The following RAPGEF2 variants were observed in gnomAD, a reference collection of about 807,000 sequenced individuals.
RAPGEF2 encodes the protein Rap guanine nucleotide exchange factor 2.
In RAPGEF2, 54 loss-of-function variants were observed where a neutral mutation model predicts 186.7. That is an observed-to-expected ratio of 0.29 (90% CI 0.23 to 0.36). RAPGEF2 has a LOEUF of 0.36. Ranked by LOEUF, RAPGEF2 falls within the 10% of genes least tolerant of loss-of-function variation. The pLI is 1.00. For missense variants in RAPGEF2, 1,532 were observed against 2,045.0 expected (o/e 0.75, Z 4.84); for synonymous variants, 712 against 705.9 (o/e 1.01, Z -0.14).
rs767908846 is a variant in RAPGEF2, at chr4:159,331,920, T to A, written c.1780-6T>A. 1.3e-6 allele frequency: 2 copies of A among 1,591,756 alleles called. No individual in the cohort carries two copies. Among genetic ancestry groups the A allele is most frequent in the African/African-American group, 2.7e-5 (2 of 73,312 alleles). ...ATTTTGATACATTTTATAATTTCATTTTTAGATATTAGAAGTAAATGGCCA... is the reference window on the plus strand; with the variant it reads ...ATTTTGATACATTTTATAATTTCATATTTAGATATTAGAAGTAAATGGCCA... On this transcript the variant is annotated splice_region_variant and splice_polypyrimidine_tract_variant and intron_variant, in intron 15 of 29. Transcript: ENST00000691494.
chr4:159,104,226 C>T lies in RAPGEF2; in HGVS notation c.64C>T (p.Pro22Ser), dbSNP rs1278475270. 4 of 1,166,494 alleles carry T rather than the reference C, an allele frequency of 3.4e-6. No individual in the cohort carries two copies. The highest frequency in any genetic ancestry group is 3.7e-5 in the African/African-American group (2 of 54,402). The allele number at this position is 1,166,494 out of a possible 1,614,324, so 72.3% of individuals were successfully genotyped here. ...GATGAAGAATCCCCCCGAAAGGACCCCCCAGGTGAGAACGCGGCGGCCGCC... is the reference window on the plus strand; with the variant it reads ...GATGAAGAATCCCCCCGAAAGGACCTCCCAGGTGAGAACGCGGCGGCCGCC... ...AVMKNPPERTPQDLEIVYSYL... is the reference protein window; with the variant it reads ...AVMKNPPERTSQDLEIVYSYL... The change falls in exon 1 of 30, where the codon CCC (proline) becomes TCC (serine). Residue 22 changes from proline to serine, a missense_variant. By Grantham distance (74) the Pro-to-Ser change is moderately conservative (BLOSUM62 -1). This residue lies in a region of RAPGEF2 where 810 missense variants were observed against 1,210.5 expected (regional missense o/e 0.67). Coordinates refer to ENST00000691494, the MANE Select transcript of RAPGEF2 (RefSeq NM_001394067.2).
intron 1 of RAPGEF2, among the ~76,000 whole-genome samples, chr4:159,170,573 A>G (rs867166920): frequency 3.9e-5 from 6 of 152,340 alleles, no homozygotes; most frequent in African/African-American, 1.2e-4. Context: ...GCCATTTTAT[A>G]TAAGGAAAAT....
chr4:159,274,878 T>A (rs1488919473), intron 7 of RAPGEF2, among the ~76,000 whole-genome samples: 1 of 152,194 alleles, frequency 6.6e-6, no homozygotes, highest in East Asian at 1.9e-4. Flanking sequence ...ACAAATTGCA[T>A]CATACAAGAA....
At chr4:159,135,949 T>C (rs1741676007) in intron 1 of RAPGEF2, among the ~76,000 whole-genome samples, 1 of 152,216 alleles carries the variant, frequency 6.6e-6, no homozygotes, top group South Asian at 2.1e-4. Flanking sequence ...ATTGCCAAAA[T>C]AGTACAGAGA....
intron 8 of RAPGEF2, among the ~76,000 whole-genome samples, chr4:159,307,016 A>G (rs1419511502): frequency 6.6e-6 from 1 of 152,214 alleles, no homozygotes; most frequent in Non-Finnish European, 1.5e-5. Flanking sequence ...AATTTAGGAA[A>G]AGAGACTGAA....
At chr4:159,104,510 G>C (rs543953227) in intron 1 of RAPGEF2, among the ~76,000 whole-genome samples, 15 of 129,758 alleles carry the variant, frequency 1.2e-4, no homozygotes, top group African/African-American at 4.8e-4. Flanking sequence ...GAGAGAGAGA[G>C]AGAGAGAGAG....
chr4:159,309,885 T>C (rs1174552780), intron 8 of RAPGEF2, among the ~76,000 whole-genome samples: 1 of 152,148 alleles, frequency 6.6e-6, no homozygotes, highest in Non-Finnish European at 1.5e-5. Context: ...TGATGGATCA[T>C]TCAATAAATG....
chr4:159,286,878 A>AT (rs1471366530), intron 7 of RAPGEF2, among the ~76,000 whole-genome samples: 1 of 152,138 alleles, frequency 6.6e-6, no homozygotes, highest in Non-Finnish European at 1.5e-5. Flanking sequence ...TGTTCATGTT[A>AT]TTACTGCTTG....
intron 7 of RAPGEF2, among the ~76,000 whole-genome samples, chr4:159,272,708 C>T (rs938843484): frequency 6.6e-6 from 1 of 151,926 alleles, no homozygotes; most frequent in Non-Finnish European, 1.5e-5. Flanking sequence ...ATGTGAGGGC[C>T]CAAGGCAGGA....
Position 159,350,629 on chromosome 4 carries a change from C to T in RAPGEF2, c.3865+340C>T, listed in dbSNP as rs17038053. Among the ~76,000 whole-genome samples the T allele has an allele frequency of 3.3e-3, 497 of 152,212 alleles. 3 individuals carry two copies. The highest frequency in any genetic ancestry group is 6.1e-3 in the Admixed American group (93 of 15,292). ...TATGACATTAGTACAGAGAAGAGGG[C>T]TTTGAAAACATGAAAAACTAATATC... On this transcript the variant is annotated intron_variant, in intron 26 of 29. Transcript: ENST00000691494.
At chr4:159,283,758 G>T (rs1343253357) in intron 7 of RAPGEF2, among the ~76,000 whole-genome samples, 1 of 152,088 alleles carries the variant, frequency 6.6e-6, no homozygotes, top group Non-Finnish European at 1.5e-5. Flanking sequence ...CTAAAGCCAG[G>T]ACATTTTTTT....
intron 8 of RAPGEF2, among the ~76,000 whole-genome samples, chr4:159,310,458 ATACTTCAG>A (rs1372404852): frequency 6.6e-6 from 1 of 152,126 alleles, no homozygotes; most frequent in Non-Finnish European, 1.5e-5. Context: ...AGTTAAATTA[ATACTTCAG>A]TAGAGCTTTA....
At chr4:159,205,735 T>A (rs1209235027) in intron 3 of RAPGEF2, among the ~76,000 whole-genome samples, 1 of 152,108 alleles carries the variant, frequency 6.6e-6, no homozygotes, top group Non-Finnish European at 1.5e-5. Flanking sequence ...CCCTTCGCCT[T>A]CCCCCATGAT....
chr4:159,189,464 G>A (rs555685361), intron 2 of RAPGEF2, among the ~76,000 whole-genome samples: 9 of 140,554 alleles, frequency 6.4e-5, no homozygotes, highest in African/African-American at 2.2e-4. Context: ...ATATTTGCCA[G>A]CGGGGAAGAG....
chr4:159,353,874 C>T lies in RAPGEF2; in HGVS notation c.4479C>T (p.Tyr1493=), dbSNP rs748598140. 1.2e-6 allele frequency: 2 copies of T among 1,614,134 alleles called. No homozygotes were observed. The highest frequency in any genetic ancestry group is 1.7e-6 in the Non-Finnish European group (2 of 1,180,012). Residue 1493 remains tyrosine, a synonymous_variant, in exon 28 of 30, where the codon TAC becomes TAT. Transcript: ENST00000691494. This position sits in a 1 kb window ranked among gnomAD's most constrained non-coding sequence, Gnocchi z 4.3. ...SRASWASSTG[Y]WGEDSEGDTG... ...CAAGCTGGGCGTCTTCCACAGGTTA[C>T]TGGGGAGAAGACTCAGAAGGTGACA...
intron 1 of RAPGEF2, among the ~76,000 whole-genome samples, chr4:159,121,942 G>A (rs149273560): frequency 0.019 from 2,804 of 149,948 alleles, 97 homozygotes; most frequent in African/African-American, 0.065. Flanking sequence ...GGAGGCTGAG[G>A]CAGGAGAATG....
At chr4:159,265,110 G>A (rs1757284128) in intron 7 of RAPGEF2, among the ~76,000 whole-genome samples, 1 of 152,136 alleles carries the variant, frequency 6.6e-6, no homozygotes, top group Non-Finnish European at 1.5e-5. Context: ...CTAGTCTAGA[G>A]GATTAAATGG....
In RAPGEF2 at chr4:159,152,555, G is replaced by A. The variant is rs548788693; in HGVS notation, c.70-34087G>A. 2.2e-4 allele frequency among the ~76,000 whole-genome samples: 33 copies of A among 152,266 alleles called. No individual in the cohort carries two copies. The East Asian group carries it at 5.0e-3, about 23-fold the overall frequency. On this transcript the variant is annotated intron_variant, in intron 1 of 29. Transcript: ENST00000691494. The stretch of plus-strand genomic sequence containing the variant: ...TAATTTTAGATTACAGAAAAATTGC[G>A]GAGATGGTCTAGAAAGTTCTTGTAA...
chr4:159,280,265 A>G (rs112077512), intron 7 of RAPGEF2, among the ~76,000 whole-genome samples: 78 of 152,336 alleles, frequency 5.1e-4, no homozygotes, highest in East Asian at 2.1e-3. Flanking sequence ...TGTCTTAGCC[A>G]TTTAAAATAC....
Sources: gnomAD v4.1 joint callset for allele counts (sites outside exome capture counted in the v4.1 genomes callset) on GRCh38, gnomAD v4.1.1 for gene constraint, gnomAD v4.1.1 regional missense constraint, Gnocchi (gnomAD v3.1) non-coding constraint, MANE v1.5 for transcripts, NCBI Gene and HGNC (gene_info 2026-07-23, HGNC 2026-07-21) for gene names.